Variants in EFTUD2 observed in about 807,000 individuals in gnomAD.
EFTUD2 encodes 116 kDa U5 small nuclear ribonucleoprotein component.
In EFTUD2, 9 loss-of-function variants were observed where a neutral mutation model predicts 114.3. The observed-to-expected ratio is 0.08, with a 90% CI of 0.05 to 0.14. The LOEUF (loss-of-function observed/expected upper bound fraction) is 0.14. EFTUD2 is among the 10% of genes least tolerant of loss of function. EFTUD2 has a pLI of 1.00. For missense variants in EFTUD2, 765 were observed against 1,241.2 expected (o/e 0.62, Z 5.76); for synonymous variants, 449 against 462.3 (o/e 0.97, Z 0.37).
intron 8 of EFTUD2, 56 bp downstream of exon 8, chr17:44,880,498 G>A (rs1597816374): frequency 7.3e-7 from 1 of 1,364,092 alleles, no homozygotes; most frequent in East Asian, 2.3e-5. Flanking sequence ...AAAGTGAGAG[G>A]ACACACGCAA....
rs144203374 is a variant in EFTUD2, at chr17:44,867,813, G to A, written c.1143C>T (p.Leu381=). 148 of 1,593,968 alleles carry A rather than the reference G, an allele frequency of 9.3e-5. 1 individual carries two copies. In the African/African-American group the frequency reaches 1.6e-3, roughly 17 times the overall value. Residue 381 remains leucine (L), a synonymous_variant, in exon 13 of 28, where the codon CTC becomes CTT. Coordinates refer to ENST00000426333, the MANE Select transcript of EFTUD2 (RefSeq NM_004247.4). The stretch of plus-strand genomic sequence containing the variant: ...TGTGACCTGACACACTCACCTGGGC[G>A]AGGATCTTATAAAGAGGCTCCAAGA... ...EFILEPLYKI[L]AQVVGDVDTS...
intron 26 of EFTUD2, among the ~76,000 whole-genome samples, 182 bp from the exon 27 acceptor site, chr17:44,851,999 C>T (rs1005694925): frequency 5.3e-5 from 8 of 152,094 alleles, no homozygotes; most frequent in African/African-American, 1.9e-4. Flanking sequence ...CTCAATGCAA[C>T]CTCCGCCTCC....
intron 9 of EFTUD2, among the ~76,000 whole-genome samples, chr17:44,877,815 A>AAACAAAAAAACAAAAC (rs2050994189): frequency 6.7e-6 from 1 of 149,564 alleles, no homozygotes; most frequent in African/African-American, 2.5e-5. Context: ...CAAAAAAACA[A>AAACAAAAAAACAAAAC]AACAACAACA....
rs766678729 is a variant in EFTUD2 at position 44,875,899 on chromosome 17, C to A, written c.869+35G>T. On this transcript the variant is annotated intron_variant, in intron 10 of 27. Transcript: ENST00000426333. ...ATTCAGGGTTAAAACCCAGAGCCTC[C>A]GAGGACAGGAAATCCACTCCCAGGG... 2.5e-6 allele frequency: 4 copies of A among 1,603,556 alleles called. No individual in the cohort carries two copies. In the East Asian group the frequency reaches 6.7e-5, roughly 27 times the overall value.
chr17:44,881,634 A>G, intron 7 of EFTUD2, 53 bp downstream of exon 7: 10 of 1,594,884 alleles, frequency 6.3e-6, no homozygotes, highest in Non-Finnish European at 8.6e-7. Flanking sequence ...CTACAAAACT[A>G]TTACTGGTGG....
intron 16 of EFTUD2, 128 bp downstream of exon 16, chr17:44,862,585 G>T: frequency 1.2e-6 from 1 of 850,066 alleles, no homozygotes; most frequent in Non-Finnish European, 1.8e-6. Context: ...TGCGGAGGGA[G>T]AGCCACTTTA....
Position 44,850,123 on chromosome 17 carries a change from GAA to G in EFTUD2, c.*1149_*1150del. 1 of 528,660 alleles carries G rather than the reference GAA, an allele frequency of 1.9e-6. No homozygotes were observed. Among genetic ancestry groups the G allele is most frequent in the East Asian group, 2.9e-5 (1 of 33,974 alleles). 32.7% of individuals were successfully genotyped at this position (528,660 alleles called of 1,614,324 possible). A position where few individuals can be genotyped will look rare whatever the true frequency, so the allele number is the denominator to read the frequency against. ...GGTTTCTCAGATACACAATACATGT[GAA>G]AGTGTTTCGTGAACTGTCAGATAAG... On this transcript the variant is annotated 3_prime_UTR_variant, in exon 28 of 28. Transcript: ENST00000426333.
chr17:44,852,641 C>A, intron 25 of EFTUD2, 79 bp from the exon 26 acceptor site: 1 of 1,517,538 alleles, frequency 6.6e-7, no homozygotes, highest in South Asian at 1.2e-5. Flanking sequence ...TTTGCTGTCC[C>A]CCAAATGCAT....
rs115920331 is a variant in EFTUD2 at position 44,889,118 on chromosome 17, G to A, written c.106-2368C>T. Among the ~76,000 whole-genome samples the A allele has an allele frequency of 9.0e-3, 1,367 of 152,256 alleles. 16 individuals are homozygous for A. Among genetic ancestry groups the A allele is most frequent in the African/African-American group, 0.031 (1,290 of 41,546 alleles). On this transcript the variant is annotated intron_variant, in intron 2 of 27. Coordinates refer to ENST00000426333, the MANE Select transcript of EFTUD2 (RefSeq NM_004247.4). Reference sequence around the variant, plus strand: ...AACCAGGGGTTCTCTGAAAGCCAAAGGAAGAGAGTATTTTAAAGAGGAGGG... The same window carrying A: ...AACCAGGGGTTCTCTGAAAGCCAAAAGAAGAGAGTATTTTAAAGAGGAGGG...
chr17:44,851,579 G>A, intron 27 of EFTUD2, 131 bp downstream of exon 27: 2 of 1,038,826 alleles, frequency 1.9e-6, no homozygotes, highest in Non-Finnish European at 2.8e-6. Context: ...GTTGCCTAAG[G>A]AGTATACAGA....
chr17:44,897,906 C>A (rs567107776), intron 1 of EFTUD2, among the ~76,000 whole-genome samples: 23 of 152,264 alleles, frequency 1.5e-4, no homozygotes, highest in African/African-American at 5.3e-4. Context: ...AGTACCAATG[C>A]TAACACAGCC....
chr17:44,871,117 T>C (rs1384818146), intron 11 of EFTUD2, among the ~76,000 whole-genome samples: 2 of 150,846 alleles, frequency 1.3e-5, no homozygotes, highest in Non-Finnish European at 3.0e-5. Flanking sequence ...CGGCTCACTG[T>C]AGCCTCAACC....
intron 16 of EFTUD2, among the ~76,000 whole-genome samples, chr17:44,860,910 A>G (rs2050646058): frequency 6.6e-6 from 1 of 152,068 alleles, no homozygotes; most frequent in Non-Finnish European, 1.5e-5. Context: ...ATTCCACAAA[A>G]ATTTACTGAG....
chr17:44,860,223 CAA>C (rs2050631319), intron 17 of EFTUD2, 178 bp from the exon 18 acceptor site: 3 of 880,986 alleles, frequency 3.4e-6, no homozygotes, highest in Admixed American at 5.2e-5. Flanking sequence ...TCTGGCAGAA[CAA>C]AGAGAGGAGG....
intron 14 of EFTUD2, 57 bp from the exon 15 acceptor site, chr17:44,863,839 G>A (rs1957146811): frequency 6.3e-7 from 1 of 1,598,696 alleles, no homozygotes; most frequent in Non-Finnish European, 8.5e-7. Flanking sequence ...GCACGAGCAG[G>A]AGTTACTGAG....
chr17:44,853,375 T>A lies in EFTUD2; in HGVS notation c.2482A>T (p.Met828Leu). Reference sequence around the variant, plus strand: ...ACCTCTACAAAGTAGTAAGGCTCCATCAGACGAGGAGTAGCCTGCAGCAGA... The same window carrying A: ...ACCTCTACAAAGTAGTAAGGCTCCAACAGACGAGGAGTAGCCTGCAGCAGA... The part of the protein sequence containing the change: ...SAFLMATPRL[M>L]EPYYFVEVQA... Residue 828 changes from methionine to leucine, a missense_variant, in exon 25 of 28, where the codon ATG becomes TTG. Coordinates refer to ENST00000426333, the MANE Select transcript of EFTUD2 (RefSeq NM_004247.4). 1 of 1,614,116 alleles carries A rather than the reference T, an allele frequency of 6.2e-7. No individual in the cohort carries two copies.
intron 9 of EFTUD2, among the ~76,000 whole-genome samples, chr17:44,876,855 CAAAAAAAAAAAA>C (rs58892812): frequency 1.2e-4 from 6 of 48,232 alleles, no homozygotes; most frequent in Admixed American, 3.3e-4. Context: ...GACTCCGTCT[CAAAAAAAAAAAA>C]AAAAAAAAAA....
Position 44,859,287 on chromosome 17 carries a change from C to T in EFTUD2, c.1861-106G>A, listed in dbSNP as rs140349314. The T allele has an allele frequency of 2.6e-4, 208 of 786,306 alleles. 2 individuals carry two copies. The East Asian group carries it at 5.2e-3, about 20-fold the overall frequency. 48.7% of individuals were successfully genotyped at this position (786,306 alleles called of 1,614,324 possible). A position where few individuals can be genotyped will look rare whatever the true frequency, so the allele number is the denominator to read the frequency against. ...ACAAGAAGTTGCCTATCAGAAACAG[C>T]TACTACTTAGCATCTGTTCCAGCCT... On this transcript the variant is annotated intron_variant, in intron 18 of 27. Coordinates refer to ENST00000426333, the MANE Select transcript of EFTUD2 (RefSeq NM_004247.4).
At chr17:44,853,230 A>G in intron 25 of EFTUD2, 66 bp downstream of exon 25, 1 of 1,536,430 alleles carries the variant, frequency 6.5e-7, no homozygotes. Flanking sequence ...TCCCTGTAGG[A>G]GCCGAGGTGA....
Sources: allele counts gnomAD v4.1 joint callset (sites outside exome capture counted in the v4.1 genomes callset), GRCh38; gene constraint gnomAD v4.1.1; transcripts MANE v1.5; gene names NCBI Gene and HGNC (gene_info 2026-07-23, HGNC 2026-07-21).